Variants in GOLT1B observed in about 807,000 individuals in gnomAD.
GOLT1B encodes vesicle transport protein GOT1B.
In GOLT1B, 3 loss-of-function variants were observed where a neutral mutation model predicts 15.4. The ratio of observed to expected loss-of-function variants is 0.19; its 90% confidence interval spans 0.09 to 0.50. The LOEUF (loss-of-function observed/expected upper bound fraction) is 0.50. Ranked by LOEUF, GOLT1B falls within the 20% of genes least tolerant of loss-of-function variation. The pLI is 0.97. For missense variants in GOLT1B, 145 were observed against 160.4 expected (o/e 0.90, Z 0.52); for synonymous variants, 65 against 56.2 (o/e 1.16, Z -0.70).
In GOLT1B at chr12:21,508,369, TC is replaced by T. The variant is rs765484210; in HGVS notation, c.118-13del. 8 of 1,488,180 alleles carry T rather than the reference TC, an allele frequency of 5.4e-6. No individual in the cohort carries two copies. 92.2% of individuals were successfully genotyped at this position (1,488,180 alleles called of 1,614,324 possible). A position where few individuals can be genotyped will look rare whatever the true frequency, so the allele number is the denominator to read the frequency against. On this transcript the variant is annotated splice_polypyrimidine_tract_variant and intron_variant, in intron 2 of 4. Transcript: ENST00000229314. The stretch of plus-strand genomic sequence containing the variant: ...TAATTACCTTTTCCGTGTTGTATTT[TC>T]TTTCTCTTTTAGGTTTTATTTGTAG...
chr12:21,506,098 A>C (rs1943676713), intron 1 of GOLT1B, among the ~76,000 whole-genome samples: 2 of 152,108 alleles, frequency 1.3e-5, no homozygotes, highest in Non-Finnish European at 2.9e-5. Context: ...CTGGCAGTTG[A>C]TCAACAATTC....
intron 1 of GOLT1B, among the ~76,000 whole-genome samples, chr12:21,505,143 T>A (rs1391444748): frequency 1.3e-5 from 2 of 152,192 alleles, no homozygotes; most frequent in African/African-American, 4.8e-5. Flanking sequence ...TATTAAGTTA[T>A]ATATAAGGTA....
chr12:21,507,018 A>G, intron 2 of GOLT1B, 42 bp downstream of exon 2: 1 of 787,844 alleles, frequency 1.3e-6, no homozygotes, highest in Non-Finnish European at 2.2e-6. Flanking sequence ...TTATAAGGAA[A>G]TTTTAACTAC....
At chr12:21,514,896 A>G (rs1943745146) in intron 4 of GOLT1B, among the ~76,000 whole-genome samples, 1 of 152,062 alleles carries the variant, frequency 6.6e-6, no homozygotes, top group African/African-American at 2.4e-5. Flanking sequence ...TCAGATGATT[A>G]CTAGAATTTG....
In GOLT1B at chr12:21,513,070, CA is replaced by C. The variant is rs58392364; in HGVS notation, c.378+716del. 7.7e-3 allele frequency among the ~76,000 whole-genome samples: 850 copies of C among 110,276 alleles called. 5 individuals are homozygous for C. Among genetic ancestry groups the C allele is most frequent in the African/African-American group, 0.02 (581 of 28,876 alleles). The allele number at this position is 110,276 out of a possible 152,430, so 72.3% of individuals were successfully genotyped here. ...TGGGTGACACAGTAAGACCCTGTCT[CA>C]AAAAAAAAAAAAAAAAAAAAAGAGT... is the stretch of plus-strand genomic sequence containing the variant. On this transcript the variant is annotated intron_variant, in intron 4 of 4. Coordinates refer to ENST00000229314, the MANE Select transcript of GOLT1B (RefSeq NM_016072.5).
At chr12:21,506,837 T>C (rs1417260566) in intron 1 of GOLT1B, 48 bp from the exon 2 acceptor site, 1 of 794,716 alleles carries the variant, frequency 1.3e-6, no homozygotes, top group Admixed American at 2.2e-5. Flanking sequence ...GGGATGTTAA[T>C]GTGACTTTAA....
intron 4 of GOLT1B, among the ~76,000 whole-genome samples, chr12:21,513,524 G>A (rs1300801036): frequency 6.6e-6 from 1 of 151,932 alleles, no homozygotes; most frequent in African/African-American, 2.4e-5. Context: ...TTTTCTTAGA[G>A]AGAGTCTCAA....
In GOLT1B at chr12:21,515,393, T is replaced by A; in HGVS notation, c.379-276T>A. ...TGTTATCTTCATCTTATACAATTTC[T>A]TTATTCATTGTGTTGCATTTTTCAT... On this transcript the variant is annotated intron_variant, in intron 4 of 4. Transcript: ENST00000229314. 6.8e-6 allele frequency: 4 copies of A among 592,444 alleles called. No homozygotes were observed. In the East Asian group the frequency reaches 1.1e-4, roughly 17 times the overall value. The allele number at this position is 592,444 out of a possible 1,614,324, so 36.7% of individuals were successfully genotyped here. A position where few individuals can be genotyped will look rare whatever the true frequency, so the allele number is the denominator to read the frequency against.
Position 21,501,912 on chromosome 12 carries a change from A to T in GOLT1B, c.-12A>T. On this transcript the variant is annotated 5_prime_UTR_variant, in exon 1 of 5. Transcript: ENST00000229314. ...CCGAGGTGCTGTCGCCGCTGTCCCC[A>T]CCACTGCAGCCATGATCTCCTTAAC... The T allele has an allele frequency of 6.2e-7, 1 of 1,602,042 alleles. No individual in the cohort carries two copies. Among genetic ancestry groups the T allele is most frequent in the Non-Finnish European group, 8.6e-7 (1 of 1,169,242 alleles).
chr12:21,513,008 A>C lies in GOLT1B; in HGVS notation c.378+632A>C, dbSNP rs1014219390. Among the ~76,000 whole-genome samples the C allele has an allele frequency of 5.3e-5, 8 of 149,696 alleles. No individual in the cohort carries two copies. In the East Asian group the frequency reaches 1.6e-3, roughly 30 times the overall value. On this transcript the variant is annotated intron_variant, in intron 4 of 4. Transcript: ENST00000229314. ...CTTGGGCCTAGGGGGTCAAGGCTGC[A>C]GTGAGCCATGATTGTGCCACTGCAC...
At chr12:21,508,090 G>A in intron 2 of GOLT1B, 2 of 399,640 alleles carry the variant, frequency 5.0e-6, no homozygotes, top group Admixed American at 7.5e-5. Context: ...GAAAACTACT[G>A]CAGACACAGA....
chr12:21,507,054 T>A, intron 2 of GOLT1B, 78 bp downstream of exon 2: 1 of 693,688 alleles, frequency 1.4e-6, no homozygotes, highest in Non-Finnish European at 2.6e-6. Context: ...TGCTATTAAA[T>A]TTGGGGAAAA....
In GOLT1B at chr12:21,508,467, A is replaced by T. The variant is rs1267148359; in HGVS notation, c.202A>T (p.Thr68Ser). ...CTTCCAAAAACATAAAATGAAAGCT[A>T]CAGGTTTTTTTCTGGGTGGTGTATT... ...FFFQKHKMKA[T>S]GFFLGGVFVV... is the part of the protein sequence containing the mutation. The change falls in exon 3 of 5, where the codon ACA becomes TCA. Residue 68 changes from threonine to serine, a missense_variant. Transcript: ENST00000229314. The T allele has an allele frequency of 1.3e-6, 2 of 1,591,090 alleles. No individual in the cohort carries two copies. The highest frequency in any genetic ancestry group is 3.4e-5 in the Admixed American group (2 of 59,558).
chr12:21,514,098 G>A (rs1277944470), intron 4 of GOLT1B, among the ~76,000 whole-genome samples: 1 of 152,180 alleles, frequency 6.6e-6, no homozygotes, highest in Non-Finnish European at 1.5e-5. Flanking sequence ...GAATCTAGGT[G>A]ATCTAGAATT....
In GOLT1B at chr12:21,516,005, T is replaced by A. The variant is rs1943753185; in HGVS notation, c.*298T>A. On this transcript the variant is annotated 3_prime_UTR_variant, in exon 5 of 5. Transcript: ENST00000229314. ...GTTGTTTTTCCACAATGTGCGAAAC[T>A]CAGCCATCCTTAGAGAACTGTGGTG... 3.7e-6 allele frequency: 1 copy of A among 271,774 alleles called. No homozygotes were observed. The highest frequency in any genetic ancestry group is 6.8e-6 in the Non-Finnish European group (1 of 147,334). The allele number at this position is 271,774 out of a possible 1,614,324, so 16.8% of individuals were successfully genotyped here.
At chr12:21,511,605 T>C (rs1212322875) in intron 3 of GOLT1B, among the ~76,000 whole-genome samples, 1 of 152,208 alleles carries the variant, frequency 6.6e-6, no homozygotes, top group African/African-American at 2.4e-5. Flanking sequence ...CAACCATTGA[T>C]GATAACTCAT....
Position 21,501,795 on chromosome 12 carries a change from G to A in GOLT1B, c.-129G>A. ...GAAGCGCTCTTAAAGCGGCAGTGAGGGTGGCTGCGTGTTTCCGGAAGACGT... is the reference window on the plus strand; with the variant it reads ...GAAGCGCTCTTAAAGCGGCAGTGAGAGTGGCTGCGTGTTTCCGGAAGACGT... On this transcript the variant is annotated 5_prime_UTR_variant, in exon 1 of 5. Coordinates refer to ENST00000229314, the MANE Select transcript of GOLT1B (RefSeq NM_016072.5). The A allele has an allele frequency of 1.4e-6, 1 of 704,366 alleles. No homozygotes were observed. The highest frequency in any genetic ancestry group is 2.6e-6 in the Non-Finnish European group (1 of 382,492). The allele number at this position is 704,366 out of a possible 1,614,324, so 43.6% of individuals were successfully genotyped here.
intron 3 of GOLT1B, among the ~76,000 whole-genome samples, chr12:21,511,040 T>C (rs1773459904): frequency 6.6e-6 from 1 of 152,208 alleles, no homozygotes; most frequent in African/African-American, 2.4e-5. Context: ...GTTCTGATAC[T>C]GTCTACATGG....
At chr12:21,502,751 T>G (rs1268535755) in intron 1 of GOLT1B, among the ~76,000 whole-genome samples, 2 of 152,206 alleles carry the variant, frequency 1.3e-5, no homozygotes, top group Admixed American at 1.3e-4. Flanking sequence ...TTGTTAATAT[T>G]AATAATTTTT....
Sources: allele counts gnomAD v4.1 joint callset (sites outside exome capture counted in the v4.1 genomes callset), GRCh38; gene constraint gnomAD v4.1.1; transcripts MANE v1.5; gene names NCBI Gene and HGNC (gene_info 2026-07-23, HGNC 2026-07-21).